TMEM145: variants seen among roughly 807,000 people sequenced by gnomAD.
TMEM145 encodes transmembrane protein 145.
A neutral mutation model predicts 68.5 loss-of-function variants in TMEM145; 46 were observed. That is an observed-to-expected ratio of 0.67 (90% CI 0.53 to 0.86). The LOEUF (loss-of-function observed/expected upper bound fraction) is 0.86. Ranked by LOEUF, TMEM145 falls within the 40% of genes least tolerant of loss-of-function variation. TMEM145 has a pLI of 0.00. For missense variants in TMEM145, 570 were observed against 645.8 expected, an observed-to-expected ratio of 0.88 and a Z score of 1.27; for synonymous variants, 255 against 280.2, an observed-to-expected ratio of 0.91 and a Z score of 0.90.
intron 13 of TMEM145, among the ~76,000 whole-genome samples, chr19:42,322,918 C>T (rs1320805526): frequency 6.6e-6 from 1 of 152,112 alleles, no homozygotes; most frequent in Non-Finnish European, 1.5e-5. Context: ...CCATGCTGGT[C>T]TCAAACTCCT....
intron 13 of TMEM145, among the ~76,000 whole-genome samples, chr19:42,323,008 A>G (rs2038925819): frequency 6.6e-6 from 1 of 152,052 alleles, no homozygotes. Flanking sequence ...GCCCACCAAT[A>G]TTTACTGAAG....
In TMEM145 at chr19:42,313,517, T is replaced by A; in HGVS notation, c.120+21T>A. 2.4e-6 allele frequency: 3 copies of A among 1,263,578 alleles called. No individual in the cohort carries two copies. Among genetic ancestry groups the A allele is most frequent in the Non-Finnish European group, 3.0e-6 (3 of 997,980 alleles). 78.3% of individuals were successfully genotyped at this position (1,263,578 alleles called of 1,614,324 possible). On this transcript the variant is annotated intron_variant, in intron 1 of 14. Transcript: ENST00000301204. The surrounding 1 kb of genome is among the most constrained non-coding windows in gnomAD (Gnocchi z 5.1). ...AGGAGGTGAGCATGCCGAGCCCTCC[T>A]CTGCGGCCCGCCGGCCCCCGGGGGA...
Position 42,315,030 on chromosome 19 carries a change from C to T in TMEM145, c.458C>T (p.Thr153Ile). The change falls in exon 6 of 15, where the codon ACC (threonine) becomes ATC (isoleucine). Residue 153 changes from threonine to isoleucine, a missense_variant. Physicochemically the swap from Thr to Ile is moderately conservative, Grantham distance 89. Coordinates refer to ENST00000301204, the MANE Select transcript of TMEM145 (RefSeq NM_173633.3). ...GLQLEYEMVL[T>I]NGKSFWTRHF... ...CAGCTGGAGTATGAGATGGTCCTCACCAATGGCAAGTCCTTCTGGACACGA... is the reference window on the plus strand; with the variant it reads ...CAGCTGGAGTATGAGATGGTCCTCATCAATGGCAAGTCCTTCTGGACACGA... 3 of 1,614,118 alleles carry T rather than the reference C, an allele frequency of 1.9e-6. No individual in the cohort carries two copies. Among genetic ancestry groups the T allele is most frequent in the Non-Finnish European group, 2.5e-6 (3 of 1,180,018 alleles).
At position 42,323,870 on chromosome 19, in the gene TMEM145, G is replaced by C. The variant is rs576036894; in HGVS notation, c.1401+81G>C. 2.5e-5 allele frequency: 30 copies of C among 1,218,232 alleles called. No homozygotes were observed. In the African/African-American group the frequency reaches 5.2e-4, roughly 21 times the overall value. 75.5% of individuals were successfully genotyped at this position (1,218,232 alleles called of 1,614,324 possible). ...TGACCCCGCTCCCGGCCCCGCCGCC[G>C]CCCCCAGCGCCCGGACCCCTGAGCC... On this transcript the variant is annotated intron_variant, in intron 14 of 14. Transcript: ENST00000301204.
At chr19:42,318,172 C>T (rs1423519879) in intron 12 of TMEM145, among the ~76,000 whole-genome samples, 2 of 149,774 alleles carry the variant, frequency 1.3e-5, no homozygotes, top group Non-Finnish European at 3.0e-5. Flanking sequence ...TTGAGACCAT[C>T]CTGGCTAACA....
chr19:42,323,063 G>T (rs1198804645), intron 13 of TMEM145, among the ~76,000 whole-genome samples: 1 of 152,218 alleles, frequency 6.6e-6, no homozygotes, highest in African/African-American at 2.4e-5. Flanking sequence ...TAGGGACTCA[G>T]TAGGGAACAG....
chr19:42,321,358 G>A, intron 13 of TMEM145: 1 of 384,956 alleles, frequency 2.6e-6, no homozygotes, highest in Non-Finnish European at 4.6e-6. Context: ...TGGGACTACA[G>A]GAGCACGCCA....
intron 8 of TMEM145, among the ~76,000 whole-genome samples, 182 bp downstream of exon 8, chr19:42,315,622 G>T (rs1187389899): frequency 1.3e-5 from 2 of 150,946 alleles, no homozygotes; most frequent in African/African-American, 4.9e-5. Context: ...GGGTCCTGGG[G>T]GAGAAGGGGC....
intron 4 of TMEM145, 42 bp from the exon 5 acceptor site, chr19:42,314,750 G>A (rs779148757): frequency 1.4e-5 from 22 of 1,613,810 alleles, no homozygotes; most frequent in Middle Eastern, 1.6e-4. Flanking sequence ...TGAAGCCTTC[G>A]GGGCATCAAG....
At chr19:42,319,905 G>A (rs891433777) in intron 12 of TMEM145, among the ~76,000 whole-genome samples, 2 of 151,910 alleles carry the variant, frequency 1.3e-5, no homozygotes, top group African/African-American at 2.4e-5. Context: ...GATTACAGGT[G>A]CATGCCACCA....
chr19:42,314,432 C>T lies in TMEM145; in HGVS notation c.196-19C>T, dbSNP rs1472549232. On this transcript the variant is annotated intron_variant, in intron 2 of 14. Transcript: ENST00000301204. ...ACAGGCTGCCCCAGCTCCCGGTCCC[C>T]AACATCTCTGGTCTGCAGGCCAAGT... 4.3e-6 allele frequency: 7 copies of T among 1,614,034 alleles called. No individual in the cohort carries two copies. The highest frequency in any genetic ancestry group is 1.3e-5 in the African/African-American group (1 of 74,918).
chr19:42,314,261 C>G lies in TMEM145; in HGVS notation c.121-11C>G. ...GACTCAGCGGAGGGTCAGACTGGGC[C>G]CCTTTTTCAGGACTGGGTGTTCCTG... is the stretch of plus-strand genomic sequence containing the variant. On this transcript the variant is annotated splice_polypyrimidine_tract_variant and intron_variant, in intron 1 of 14. Coordinates refer to ENST00000301204, the MANE Select transcript of TMEM145 (RefSeq NM_173633.3). 6.2e-7 allele frequency: 1 copy of G among 1,613,876 alleles called. No homozygotes were observed. The highest frequency in any genetic ancestry group is 2.2e-5 in the East Asian group (1 of 44,860).
chr19:42,323,822 G>C, intron 14 of TMEM145, 33 bp downstream of exon 14: 1 of 1,600,814 alleles, frequency 6.2e-7, no homozygotes, highest in Admixed American at 1.7e-5. Context: ...CCGAGGAGCT[G>C]CTGGCGCCGC....
At chr19:42,315,467 G>A (rs373076136) in intron 8 of TMEM145, 27 bp downstream of exon 8, 4 of 1,613,280 alleles carry the variant, frequency 2.5e-6, no homozygotes, top group Non-Finnish European at 3.4e-6. Context: ...CAACTTTTGG[G>A]TTCTGAAAGA....
intron 11 of TMEM145, among the ~76,000 whole-genome samples, chr19:42,317,307 C>G (rs924934088): frequency 3.9e-5 from 6 of 152,172 alleles, no homozygotes; most frequent in African/African-American, 1.4e-4. Context: ...GGCCCATTTT[C>G]TTCTTGGAAA....
At chr19:42,317,903 C>T in intron 12 of TMEM145, 22 bp downstream of exon 12, 2 of 1,612,900 alleles carry the variant, frequency 1.2e-6, no homozygotes, top group Non-Finnish European at 1.7e-6. Flanking sequence ...TGGGCCCCAG[C>T]CTGTCCCTGC....
intron 12 of TMEM145, 42 bp downstream of exon 12, chr19:42,317,923 G>C: frequency 6.2e-7 from 1 of 1,609,756 alleles, no homozygotes; most frequent in Non-Finnish European, 8.5e-7. Flanking sequence ...CCTCCCTCTC[G>C]GGGCTCCCCA....
In TMEM145 at chr19:42,313,637, G is replaced by C; in HGVS notation, c.120+141G>C. ...TCGGGGGAGTGGGGCCGAGGGCGAT[G>C]GGGGACTGGGCCAGAGTCGAGGCTA... On this transcript the variant is annotated intron_variant, in intron 1 of 14. Coordinates refer to ENST00000301204, the MANE Select transcript of TMEM145 (RefSeq NM_173633.3). The surrounding 1 kb of genome is among the most constrained non-coding windows in gnomAD (Gnocchi z 5.1). The C allele has an allele frequency of 1.7e-6, 1 of 601,374 alleles. No individual in the cohort carries two copies. Among genetic ancestry groups the C allele is most frequent in the Non-Finnish European group, 2.4e-6 (1 of 409,302 alleles). The allele number at this position is 601,374 out of a possible 1,614,324, so 37.3% of individuals were successfully genotyped here.
At position 42,314,501 on chromosome 19, in the gene TMEM145, G is replaced by A; in HGVS notation, c.246G>A (p.Trp82Ter). 6.2e-7 allele frequency: 1 copy of A among 1,614,180 alleles called. No homozygotes were observed. Among genetic ancestry groups the A allele is most frequent in the Non-Finnish European group, 8.5e-7 (1 of 1,180,032 alleles). ...ILLYFDDPSQWPAVYKAGDKD... is the reference protein window; with the variant it reads ...ILLYFDDPSQ Reference sequence around the variant, plus strand: ...TCTATTTTGATGACCCATCCCAGTGGCCAGCCGTGTACAAGGCAGGGGACA... The same window carrying A: ...TCTATTTTGATGACCCATCCCAGTGACCAGCCGTGTACAAGGCAGGGGACA... Residue 82 changes from tryptophan to a stop codon, truncating the protein, a stop_gained, in exon 3 of 15, where the codon TGG (tryptophan) becomes TGA (stop). Coordinates refer to ENST00000301204, the MANE Select transcript of TMEM145 (RefSeq NM_173633.3). LOFTEE classifies it high-confidence loss of function.
Sources: gnomAD v4.1 joint callset for allele counts (sites outside exome capture counted in the v4.1 genomes callset) on GRCh38, gnomAD v4.1.1 for gene constraint, Gnocchi (gnomAD v3.1) non-coding constraint, MANE v1.5 for transcripts, NCBI Gene and HGNC (gene_info 2026-07-23, HGNC 2026-07-21) for gene names.